Variants in DIP2B observed in about 807,000 individuals in gnomAD.
DIP2B encodes the protein disco-interacting protein 2 homolog B.
Under a neutral mutation model 198.0 loss-of-function variants are expected in DIP2B, and 76 were observed. The observed-to-expected ratio is 0.38, with a 90% confidence interval of 0.32 to 0.46. DIP2B has a LOEUF of 0.46. Ranked by LOEUF, DIP2B falls within the 20% of genes least tolerant of loss-of-function variation. DIP2B has a pLI of 0.99. For missense variants in DIP2B, 1,559 were observed against 1,978.4 expected (o/e 0.79, Z 4.02); for synonymous variants, 701 against 739.1 (o/e 0.95, Z 0.84).
chr12:50,550,811 T>G (rs1468121791), intron 1 of DIP2B, among the ~76,000 whole-genome samples: 1 of 152,158 alleles, frequency 6.6e-6, no homozygotes, highest in Non-Finnish European at 1.5e-5. Context: ...GCTACAGATT[T>G]AAGGTTTATC....
At chr12:50,638,890 T>C (rs986807575) in intron 2 of DIP2B, among the ~76,000 whole-genome samples, 4 of 151,952 alleles carry the variant, frequency 2.6e-5, no homozygotes, top group African/African-American at 9.7e-5. Flanking sequence ...ATATTTACAT[T>C]ATATACCAGT....
At chr12:50,519,472 G>C (rs886982131) in intron 1 of DIP2B, among the ~76,000 whole-genome samples, 1 of 152,144 alleles carries the variant, frequency 6.6e-6, no homozygotes, top group African/African-American at 2.4e-5. Flanking sequence ...TTATGTACTT[G>C]TCTTTTGTTG....
chr12:50,642,339 T>G (rs1938271000), intron 3 of DIP2B, among the ~76,000 whole-genome samples: 1 of 152,136 alleles, frequency 6.6e-6, no homozygotes, highest in African/African-American at 2.4e-5. Context: ...TGTGGGATCT[T>G]GAATGTCACT....
intron 27 of DIP2B, 69 bp downstream of exon 27, chr12:50,723,392 T>G (rs1939877497): frequency 4.5e-6 from 7 of 1,571,350 alleles, no homozygotes; most frequent in Non-Finnish European, 6.1e-6. Flanking sequence ...TAAGGATCCT[T>G]ACTAATTTTC....
rs986545354 is a variant in DIP2B at position 50,745,064 on chromosome 12, G to A, written c.*225G>A. The A allele has an allele frequency of 2.1e-5, 12 of 578,982 alleles. No homozygotes were observed. The highest frequency in any genetic ancestry group is 6.6e-5 in the South Asian group (3 of 45,552). The allele number at this position is 578,982 out of a possible 1,614,324, so 35.9% of individuals were successfully genotyped here. A position where few individuals can be genotyped will look rare whatever the true frequency, so the allele number is the denominator to read the frequency against. Reference sequence around the variant, plus strand: ...TGGTAGACATGTGCTTTGACATAGCGTGAGCAGCACATTACTAAAGCAATT... The same window carrying A: ...TGGTAGACATGTGCTTTGACATAGCATGAGCAGCACATTACTAAAGCAATT... On this transcript the variant is annotated 3_prime_UTR_variant, in exon 38 of 38. Coordinates refer to ENST00000301180, the MANE Select transcript of DIP2B (RefSeq NM_173602.3).
At chr12:50,537,114 ATTTTTTTTTTTTTTT>A (rs34202995) in intron 1 of DIP2B, among the ~76,000 whole-genome samples, 4 of 32,236 alleles carry the variant, frequency 1.2e-4, no homozygotes, top group Non-Finnish European at 1.9e-4. Flanking sequence ...TTATTCTCTA[ATTTTTTTTTTTTTTT>A]TTTTTTTTTT....
At chr12:50,711,345 C>T (rs1404500232) in intron 22 of DIP2B, among the ~76,000 whole-genome samples, 1 of 152,128 alleles carries the variant, frequency 6.6e-6, no homozygotes, top group African/African-American at 2.4e-5. Context: ...TAAGGAAAGG[C>T]AGTTAGTAGA....
chr12:50,627,471 C>T (rs535375275), intron 2 of DIP2B, among the ~76,000 whole-genome samples: 2 of 152,242 alleles, frequency 1.3e-5, no homozygotes, highest in Non-Finnish European at 2.9e-5. Flanking sequence ...GTAGCTGGAA[C>T]TACAGGTGTG....
At chr12:50,590,138 T>A (rs1033299048) in intron 1 of DIP2B, among the ~76,000 whole-genome samples, 2 of 151,034 alleles carry the variant, frequency 1.3e-5, no homozygotes, top group Non-Finnish European at 1.5e-5. Flanking sequence ...AGCTACAGGA[T>A]CATGTTACCG....
chr12:50,593,321 A>G (rs1958835756), intron 1 of DIP2B, among the ~76,000 whole-genome samples: 1 of 152,140 alleles, frequency 6.6e-6, no homozygotes, highest in African/African-American at 2.4e-5. Flanking sequence ...CCTGGCCAAC[A>G]TGGTGAAACC....
At chr12:50,506,376 T>A in intron 1 of DIP2B, among the ~76,000 whole-genome samples, 1 of 152,094 alleles carries the variant, frequency 6.6e-6, no homozygotes, top group East Asian at 1.9e-4. Context: ...AAACATTACT[T>A]ATTGTTTACT....
chr12:50,582,145 G>GTTTTTTTT (rs367699036), intron 1 of DIP2B, among the ~76,000 whole-genome samples: 13 of 77,540 alleles, frequency 1.7e-4, no homozygotes, highest in African/African-American at 7.4e-4. Flanking sequence ...CTTTTTTTCT[G>GTTTTTTTT]TTTTTTTTTT....
rs150818862 is a variant in DIP2B, at chr12:50,542,572, T to C, written c.100+37332T>C. 1.6e-3 allele frequency among the ~76,000 whole-genome samples: 239 copies of C among 152,232 alleles called. 1 individual carries two copies. The highest frequency in any genetic ancestry group is 5.5e-3 in the African/African-American group (227 of 41,556). ...AGTGGGTGACTGACTCAGATGTAAA[T>C]GATCTTATTATACTTGAGCTGCAAC... is the stretch of plus-strand genomic sequence containing the variant. On this transcript the variant is annotated intron_variant, in intron 1 of 37. Transcript: ENST00000301180.
At chr12:50,688,122 G>T (rs1264368445) in intron 12 of DIP2B, among the ~76,000 whole-genome samples, 2 of 151,976 alleles carry the variant, frequency 1.3e-5, no homozygotes, top group African/African-American at 4.8e-5. Flanking sequence ...TGAGGCGGGA[G>T]GATCACTTGA....
chr12:50,588,189 T>C (rs892050140), intron 1 of DIP2B, among the ~76,000 whole-genome samples: 2 of 152,080 alleles, frequency 1.3e-5, no homozygotes, highest in Non-Finnish European at 2.9e-5. Context: ...TCTCACTCTG[T>C]TGCCCAGGGT....
chr12:50,560,226 C>G (rs974017947), intron 1 of DIP2B, among the ~76,000 whole-genome samples: 1 of 151,826 alleles, frequency 6.6e-6, no homozygotes. Context: ...AACCCCGTCT[C>G]TACTAAAAAT....
chr12:50,533,364 C>G (rs1043396513), intron 1 of DIP2B, among the ~76,000 whole-genome samples: 1 of 152,152 alleles, frequency 6.6e-6, no homozygotes, highest in African/African-American at 2.4e-5. Context: ...TTTTCTTTTG[C>G]TGTCAGCCTT....
In DIP2B at chr12:50,678,582, T is replaced by C. The variant is rs1592123739; in HGVS notation, c.917-97T>C. ...TCAAAGTGAGTTTAAACCAGGTAAA[T>C]ATGAAGTGAAAAGGAAGATGCAGTT... On this transcript the variant is annotated intron_variant, in intron 7 of 37. Coordinates refer to ENST00000301180, the MANE Select transcript of DIP2B (RefSeq NM_173602.3). 7 of 1,310,880 alleles carry C rather than the reference T, an allele frequency of 5.3e-6. No homozygotes were observed. The East Asian group carries it at 1.6e-4, about 31-fold the overall frequency. 81.2% of individuals were successfully genotyped at this position (1,310,880 alleles called of 1,614,324 possible).
chr12:50,611,937 G>A (rs1311476017), intron 1 of DIP2B, among the ~76,000 whole-genome samples: 1 of 151,562 alleles, frequency 6.6e-6, no homozygotes, highest in Non-Finnish European at 1.5e-5. Flanking sequence ...GGTGGCTCTT[G>A]CCTATAATCC....
Sources: allele counts gnomAD v4.1 joint callset (sites outside exome capture counted in the v4.1 genomes callset), GRCh38; gene constraint gnomAD v4.1.1; transcripts MANE v1.5; gene names NCBI Gene and HGNC (gene_info 2026-07-23, HGNC 2026-07-21).